Variants in FRAS1 observed in about 807,000 individuals in gnomAD.
FRAS1 encodes the protein Fraser extracellular matrix complex subunit 1.
FRAS1 carries 290 observed loss-of-function variants against 435.2 expected under a neutral mutation model. The observed-to-expected ratio is 0.67, with a 90% CI of 0.61 to 0.73. FRAS1 has a LOEUF of 0.73. FRAS1 is among the 30% of genes least tolerant of loss of function. FRAS1 has a pLI of 0.00. For missense variants in FRAS1, 4,860 were observed against 5,001.5 expected (o/e 0.97, Z 0.85); for synonymous variants, 1,800 against 1,851.0 (o/e 0.97, Z 0.71).
intron 2 of FRAS1, among the ~76,000 whole-genome samples, chr4:78,197,940 C>CA (rs5859609): frequency 3.5e-5 from 5 of 144,710 alleles, no homozygotes; most frequent in African/African-American, 1.3e-4. Context: ...GACTCCCTCT[C>CA]AAAAAAAAAA....
chr4:78,541,639 A>AT lies in FRAS1; in HGVS notation c.*518dup, dbSNP rs397752464. 21,502 of 152,186 alleles carry AT rather than the reference A, an allele frequency of 0.14. 2,416 individuals are homozygous for AT. Among genetic ancestry groups the AT allele is most frequent in the East Asian group, 0.31 (1,626 of 5,182 alleles). 9.4% of individuals were successfully genotyped at this position (152,186 alleles called of 1,614,324 possible). A position where few individuals can be genotyped will look rare whatever the true frequency, so the allele number is the denominator to read the frequency against. On this transcript the variant is annotated 3_prime_UTR_variant, in exon 74 of 74. Coordinates refer to ENST00000512123, the MANE Select transcript of FRAS1 (RefSeq NM_025074.7). ...GACACAACACATATATTTGCTCATG[A>AT]TTTCACTTGACAGCGTATGCTCCTT... is the stretch of plus-strand genomic sequence containing the variant.
rs568662484 is a variant in FRAS1, at chr4:78,360,401, T to A, written c.2423-3112T>A. Among the ~76,000 whole-genome samples, 5 of 152,172 alleles carry A rather than the reference T, an allele frequency of 3.3e-5. No individual in the cohort carries two copies. In the South Asian group the frequency reaches 8.3e-4, roughly 25 times the overall value. On this transcript the variant is annotated intron_variant, in intron 20 of 73. Coordinates refer to ENST00000512123, the MANE Select transcript of FRAS1 (RefSeq NM_025074.7). ...TTAAGGGAAGGCAAGAGATGAGTTGTTTGTAGAGAAAAGTTTTTAGGACAG... is the reference window on the plus strand; with the variant it reads ...TTAAGGGAAGGCAAGAGATGAGTTGATTGTAGAGAAAAGTTTTTAGGACAG...
At chr4:78,262,878 A>T (rs1026894962) in intron 6 of FRAS1, among the ~76,000 whole-genome samples, 1 of 143,082 alleles carries the variant, frequency 7.0e-6, no homozygotes, top group Admixed American at 7.4e-5. Flanking sequence ...GATAACAAAC[A>T]TTTTTAGCCT....
At chr4:78,446,033 G>T in intron 42 of FRAS1, 1 of 1,220,338 alleles carries the variant, frequency 8.2e-7, no homozygotes. Context: ...CTCTGAAATT[G>T]TGTTTGGTTC....
intron 37 of FRAS1, among the ~76,000 whole-genome samples, chr4:78,431,202 A>T (rs1734206974): frequency 6.6e-6 from 1 of 152,198 alleles, no homozygotes; most frequent in South Asian, 2.1e-4. Context: ...TGGTAGATGG[A>T]ATTTTAAAGA....
intron 18 of FRAS1, among the ~76,000 whole-genome samples, chr4:78,323,419 C>T (rs917343675): frequency 2.0e-5 from 3 of 152,058 alleles, no homozygotes; most frequent in Non-Finnish European, 4.4e-5. Flanking sequence ...AAAAGCAAAC[C>T]CAAACCCAAG....
At chr4:78,139,951 T>C (rs1182079006) in intron 2 of FRAS1, among the ~76,000 whole-genome samples, 1 of 152,194 alleles carries the variant, frequency 6.6e-6, no homozygotes, top group Non-Finnish European at 1.5e-5. Flanking sequence ...GGTAACTTTT[T>C]TTTTGATTAA....
chr4:78,457,840 A>C (rs191423407), intron 47 of FRAS1, among the ~76,000 whole-genome samples: 21 of 152,342 alleles, frequency 1.4e-4, no homozygotes, highest in African/African-American at 4.3e-4. Flanking sequence ...GCTCCAAAAA[A>C]GGTAAGCCAC....
chr4:78,430,251 T>TA, intron 36 of FRAS1, 41 bp from the exon 37 acceptor site: 1 of 1,612,868 alleles, frequency 6.2e-7, no homozygotes, highest in Non-Finnish European at 8.5e-7. Context: ...GTCTTTAACA[T>TA]ACGCTTTCTC....
intron 13 of FRAS1, among the ~76,000 whole-genome samples, chr4:78,285,993 A>T (rs1727574691): frequency 6.6e-6 from 1 of 152,168 alleles, no homozygotes; most frequent in Non-Finnish European, 1.5e-5. Context: ...GGGGCAAGAG[A>T]TCTTCTTGCT....
chr4:78,466,058 C>T (rs758465268), intron 49 of FRAS1, 150 bp from the exon 50 acceptor site: 4 of 615,852 alleles, frequency 6.5e-6, no homozygotes, highest in Non-Finnish European at 1.2e-5. Context: ...TTCTCTTTAG[C>T]TCTATCTTTG....
rs566641641 is a variant in FRAS1, at chr4:78,470,021, C to T, written c.7301C>T (p.Pro2434Leu). ...CAGCCGTTCCGAGTAGACATCCTCC[C>T]GGTAGATGATGGCACGCCTAGAATT... ...APQPFRVDILPVDDGTPRIVT... is the reference protein window; with the variant it reads ...APQPFRVDILLVDDGTPRIVT... Residue 2434 changes from proline (P) to leucine (L), a missense_variant, in exon 51 of 74, where the codon CCG becomes CTG. Pro to Leu is a moderately conservative substitution (Grantham distance 98). Transcript: ENST00000512123. 53 of 1,613,730 alleles carry T rather than the reference C, an allele frequency of 3.3e-5. No individual in the cohort carries two copies. Among genetic ancestry groups the T allele is most frequent in the East Asian group, 2.5e-4 (11 of 44,848 alleles).
At chr4:78,101,880 C>T (rs919222415) in intron 2 of FRAS1, among the ~76,000 whole-genome samples, 5 of 152,104 alleles carry the variant, frequency 3.3e-5, no homozygotes, top group East Asian at 1.9e-4. Flanking sequence ...TTGACAGTCA[C>T]GGAGTGCAGG....
chr4:78,457,585 T>G lies in FRAS1; in HGVS notation c.6763+5231T>G, dbSNP rs180963538. On this transcript the variant is annotated intron_variant, in intron 47 of 73. Transcript: ENST00000512123. ...CTTAAAATCAGGCAGATGAAGAGCT[T>G]TATCCTCATCAAATTGAAAATCCTT... is the stretch of plus-strand genomic sequence containing the variant. Among the ~76,000 whole-genome samples, 60 of 152,306 alleles carry G rather than the reference T, an allele frequency of 3.9e-4. 1 individual carries two copies. The highest frequency in any genetic ancestry group is 1.4e-3 in the African/African-American group (59 of 41,570).
intron 18 of FRAS1, among the ~76,000 whole-genome samples, chr4:78,324,269 G>T (rs1432491486): frequency 6.6e-6 from 1 of 152,138 alleles, no homozygotes; most frequent in Non-Finnish European, 1.5e-5. Context: ...TTTAAAAAAT[G>T]AATAATTTTT....
intron 14 of FRAS1, among the ~76,000 whole-genome samples, chr4:78,302,573 T>A (rs1037663102): frequency 5.9e-5 from 9 of 152,136 alleles, no homozygotes; most frequent in African/African-American, 1.4e-4. Context: ...GGTATCTCAT[T>A]GTGGTTTTGA....
intron 72 of FRAS1, 125 bp from the exon 73 acceptor site, chr4:78,539,169 C>A: frequency 1.2e-6 from 1 of 864,178 alleles, no homozygotes; most frequent in Non-Finnish European, 1.8e-6. Context: ...CTTCACAGCA[C>A]ATACTCTCTC....
chr4:78,180,830 T>C, intron 2 of FRAS1: 1 of 1,466,810 alleles, frequency 6.8e-7, no homozygotes, highest in East Asian at 2.3e-5. Context: ...AACAGAAGGG[T>C]TCACGAAGGA....
intron 2 of FRAS1, among the ~76,000 whole-genome samples, chr4:78,161,742 C>CAAAAAAAAAAAAAAAAAA (rs71214399): frequency 0.012 from 296 of 24,898 alleles, 1 homozygote; most frequent in Non-Finnish European, 0.013. Flanking sequence ...AACTCTGTCT[C>CAAAAAAAAAAAAAAAAAA]AAAAAAAAAA....
Sources: allele counts gnomAD v4.1 joint callset (sites outside exome capture counted in the v4.1 genomes callset), GRCh38; gene constraint gnomAD v4.1.1; transcripts MANE v1.5; gene names NCBI Gene and HGNC (gene_info 2026-07-23, HGNC 2026-07-21).